Variants in CDKN2B-AS1 observed in about 807,000 individuals in gnomAD.
CDKN2B-AS1 encodes CDKN2B antisense RNA 1 (non-protein coding).
At chr9:22,108,929 A>C (rs1408609131) in intron 4 of CDKN2B-AS1, among the ~76,000 whole-genome samples, 1 of 152,150 alleles carries the variant, frequency 6.6e-6, no homozygotes, top group East Asian at 1.9e-4. Context: ...CAAACCAAAA[A>C]CAAAACAAAA....
chr9:22,061,354 G>A (rs1406315490), intron 4 of CDKN2B-AS1, among the ~76,000 whole-genome samples: 1 of 152,124 alleles, frequency 6.6e-6, no homozygotes, highest in African/African-American at 2.4e-5. Flanking sequence ...AGAACAATAA[G>A]CAAATAAATT....
At chr9:22,057,373 T>C (rs1457909906) in intron 4 of CDKN2B-AS1, among the ~76,000 whole-genome samples, 2 of 152,204 alleles carry the variant, frequency 1.3e-5, no homozygotes, top group East Asian at 3.8e-4. Flanking sequence ...ACAATTATGA[T>C]TGTGATCTTC....
chr9:22,019,003 A>T (rs767770372), intron 1 of CDKN2B-AS1, among the ~76,000 whole-genome samples: 3 of 152,216 alleles, frequency 2.0e-5, no homozygotes, highest in Non-Finnish European at 2.9e-5. Flanking sequence ...TTAACTAATC[A>T]AAAGAGAGGC....
Position 22,006,113 on chromosome 9 carries a change from C to A in CDKN2B-AS1, n.29+10952C>A. The A allele has an allele frequency of 6.2e-7, 1 of 1,610,446 alleles. No homozygotes were observed. Among genetic ancestry groups the A allele is most frequent in the South Asian group, 1.1e-5 (1 of 91,050 alleles). ...GCCGCGCCCCGGCCCGGTGCAGCACCACCAGCGTGTCCAGGAAGCCCTCCC... is the reference window on the plus strand; with the variant it reads ...GCCGCGCCCCGGCCCGGTGCAGCACAACCAGCGTGTCCAGGAAGCCCTCCC... On this transcript the variant is annotated intron_variant and non_coding_transcript_variant, in intron 1 of 4. Coordinates refer to ENST00000650946, the Ensembl canonical transcript of CDKN2B-AS1. This position sits in a 1 kb window ranked among gnomAD's most constrained non-coding sequence, Gnocchi z 6.4.
At chr9:22,067,658 G>T (rs1824114572) in intron 4 of CDKN2B-AS1, among the ~76,000 whole-genome samples, 2 of 152,174 alleles carry the variant, frequency 1.3e-5, no homozygotes, top group South Asian at 4.1e-4. Context: ...ACAGCCTACA[G>T]TGGTTAGCAC....
At chr9:22,091,947 T>C (rs1373334356) in intron 4 of CDKN2B-AS1, among the ~76,000 whole-genome samples, 1 of 152,208 alleles carries the variant, frequency 6.6e-6, no homozygotes, top group Non-Finnish European at 1.5e-5. Flanking sequence ...CAGTATGATA[T>C]TGGCTGTGGT....
At chr9:22,057,667 G>A (rs1414204365) in intron 4 of CDKN2B-AS1, among the ~76,000 whole-genome samples, 1 of 152,122 alleles carries the variant, frequency 6.6e-6, no homozygotes, top group African/African-American at 2.4e-5. Flanking sequence ...AATTAGCCAG[G>A]TGTGGTGGTG....
intron 4 of CDKN2B-AS1, among the ~76,000 whole-genome samples, chr9:22,083,638 C>T (rs2131332687): frequency 6.6e-6 from 1 of 152,312 alleles, no homozygotes; most frequent in Admixed American, 6.5e-5. Context: ...GGTTCAAGAA[C>T]CACAGCTCGA....
At chr9:22,058,304 G>T (rs976114453) in intron 4 of CDKN2B-AS1, 4 of 152,178 alleles carry the variant, frequency 2.6e-5, no homozygotes, top group African/African-American at 9.7e-5. Context: ...ATTTTGGCGG[G>T]TACTGACAAA....
At position 22,008,739 on chromosome 9, in the gene CDKN2B-AS1, C is replaced by A. The variant is rs773194994; in HGVS notation, n.29+13578C>A. 7 of 1,610,604 alleles carry A rather than the reference C, an allele frequency of 4.3e-6. No individual in the cohort carries two copies. In the East Asian group the frequency reaches 1.3e-4, roughly 31 times the overall value. ...GATCTAGGTTCCAGCCCCGATCCGC[C>A]GAGGCCGCGCCCCGCGTTCGCGCGC... is the stretch of plus-strand genomic sequence containing the variant. On this transcript the variant is annotated intron_variant and non_coding_transcript_variant, in intron 1 of 4. Transcript: ENST00000650946.
chr9:22,067,229 C>A (rs908078805), intron 4 of CDKN2B-AS1, among the ~76,000 whole-genome samples: 2 of 152,000 alleles, frequency 1.3e-5, no homozygotes, highest in South Asian at 4.1e-4. Context: ...ACAAAAAAAA[C>A]CACTGCACAA....
At chr9:22,046,450 G>T (rs1823112127) in intron 1 of CDKN2B-AS1, 1 of 152,098 alleles carries the variant, frequency 6.6e-6, no homozygotes, top group African/African-American at 2.4e-5. Context: ...AACAGCTAAG[G>T]TTGTCATAGA....
chr9:22,111,168 G>A (rs141991179), intron 4 of CDKN2B-AS1, among the ~76,000 whole-genome samples: 54 of 152,026 alleles, frequency 3.6e-4, no homozygotes, highest in Non-Finnish European at 6.3e-4. Context: ...ACTACCTGGC[G>A]TGTATATGTA....
intron 4 of CDKN2B-AS1, among the ~76,000 whole-genome samples, chr9:22,094,434 G>T (rs555622107): frequency 6.9e-6 from 1 of 144,376 alleles, no homozygotes; most frequent in South Asian, 2.1e-4. Flanking sequence ...GTTCCATTCT[G>T]CCCGTCACTT....
chr9:22,014,293 G>T (rs1281116693), intron 1 of CDKN2B-AS1, among the ~76,000 whole-genome samples: 1 of 152,148 alleles, frequency 6.6e-6, no homozygotes, highest in South Asian at 2.1e-4. Context: ...TTCCCCAATA[G>T]CTAGGACTAC....
chr9:22,098,384 A>G (rs1223018931), intron 4 of CDKN2B-AS1, among the ~76,000 whole-genome samples: 1 of 151,540 alleles, frequency 6.6e-6, no homozygotes, highest in African/African-American at 2.4e-5. Flanking sequence ...AGAAACTATT[A>G]CTTATAGGGG....
chr9:22,124,028 A>G (rs754410074), intron 4 of CDKN2B-AS1, among the ~76,000 whole-genome samples: 1 of 151,590 alleles, frequency 6.6e-6, no homozygotes, highest in Non-Finnish European at 1.5e-5. Flanking sequence ...CAGGTATCAT[A>G]TGCATAGACA....
At chr9:22,095,909 C>G (rs1225724512) in intron 4 of CDKN2B-AS1, among the ~76,000 whole-genome samples, 3 of 151,250 alleles carry the variant, frequency 2.0e-5, no homozygotes, top group Non-Finnish European at 2.9e-5. Context: ...GGATTGCAAC[C>G]CCTGCCTTTT....
intron 4 of CDKN2B-AS1, among the ~76,000 whole-genome samples, chr9:22,094,757 A>T (rs1276466871): frequency 7.0e-6 from 1 of 143,470 alleles, no homozygotes; most frequent in Non-Finnish European, 1.5e-5. Flanking sequence ...CATGGGTTCG[A>T]ACTTCCTCCT....
Sources: allele counts gnomAD v4.1 joint callset (sites outside exome capture counted in the v4.1 genomes callset), GRCh38; gene constraint gnomAD v4.1.1; non-coding constraint Gnocchi (gnomAD v3.1); transcripts MANE v1.5; gene names NCBI Gene and HGNC (gene_info 2026-07-23, HGNC 2026-07-21).